E4F1: variants seen among roughly 807,000 people sequenced by gnomAD.
The protein encoded by E4F1 is E4F transcription factor 1.
Under a neutral mutation model 72.9 loss-of-function variants are expected in E4F1, and 30 were observed. That is an observed-to-expected ratio of 0.41 (90% confidence interval 0.31 to 0.56). The LOEUF (loss-of-function observed/expected upper bound fraction) is 0.56, where lower values mean the gene tolerates loss of function less well. Ranked by LOEUF, E4F1 falls within the 20% of genes least tolerant of loss-of-function variation. The probability of loss-of-function intolerance (pLI) is 0.25; values close to 1 mark genes in which losing one functional copy is unlikely to be tolerated. For synonymous variants in E4F1, 542 were observed against 478.2 expected (o/e 1.13, Z -1.74); for missense variants, 1,091 against 1,117.5 (o/e 0.98, Z 0.34).
At position 2,229,628 on chromosome 16, in the gene E4F1, A is replaced by G. The variant is rs200326283; in HGVS notation, c.368A>G (p.Glu123Gly). The G allele has an allele frequency of 1.3e-4, 207 of 1,612,944 alleles. 2 individuals carry two copies. In the South Asian group the frequency reaches 2.0e-3, roughly 16 times the overall value. The change falls in exon 3 of 14, where the codon GAG becomes GGG. Residue 123 changes from glutamate (E) to glycine (G), a missense_variant. Glu to Gly is a moderately conservative substitution (Grantham distance 98). Coordinates refer to ENST00000301727, the MANE Select transcript of E4F1 (RefSeq NM_004424.5). ...EPITVAHIVVEAASLAADISH... is the reference protein window; with the variant it reads ...EPITVAHIVVGAASLAADISH... ...ATCACTGTGGCCCACATCGTGGTGG[A>G]GGCGGCCTCTCTGGCAGCAGACATC... is the stretch of plus-strand genomic sequence containing the variant.
At chr16:2,224,544 C>A (rs946880412) in intron 1 of E4F1, among the ~76,000 whole-genome samples, 1 of 152,204 alleles carries the variant, frequency 6.6e-6, no homozygotes, top group African/African-American at 2.4e-5. Flanking sequence ...AATCCCAGCA[C>A]TTTGGGAGGT....
intron 1 of E4F1, 57 bp from the exon 2 acceptor site, chr16:2,228,315 G>T (rs774460791): frequency 2.5e-6 from 4 of 1,607,148 alleles, no homozygotes; most frequent in Middle Eastern, 1.7e-4. Flanking sequence ...GCCAGACGGA[G>T]CCCTGGCTGC....
chr16:2,232,419 C>T lies in E4F1; in HGVS notation c.610-37C>T, dbSNP rs1418086555. The T allele has an allele frequency of 2.5e-6, 4 of 1,604,868 alleles. No homozygotes were observed. The Admixed American group carries it at 6.8e-5, about 27-fold the overall frequency. On this transcript the variant is annotated intron_variant, in intron 4 of 13. Transcript: ENST00000301727. The stretch of plus-strand genomic sequence containing the variant: ...GGGTGGCAGGCCCCCTCCTGTTCCC[C>T]CAGGAGGGCCCTGAGCTGCCACGCC...
chr16:2,227,072 G>C (rs2093436621), intron 1 of E4F1, among the ~76,000 whole-genome samples: 2 of 152,184 alleles, frequency 1.3e-5, no homozygotes, highest in African/African-American at 4.8e-5. Flanking sequence ...GCAGGGTCTT[G>C]CCCTGTTGCC....
chr16:2,223,973 A>T, intron 1 of E4F1: 2 of 1,508,910 alleles, frequency 1.3e-6, no homozygotes, highest in Non-Finnish European at 1.8e-6. Flanking sequence ...GGCGCCTGTC[A>T]TCCCCCCTCT....
At chr16:2,233,238 C>G (rs1192419545) in intron 7 of E4F1, 55 bp downstream of exon 7, 1 of 1,544,756 alleles carries the variant, frequency 6.5e-7, no homozygotes, top group Non-Finnish European at 8.7e-7. Context: ...TGCTCGGTGC[C>G]AGTCTTTGTT....
At chr16:2,225,860 C>T (rs1404984327) in intron 1 of E4F1, among the ~76,000 whole-genome samples, 1 of 149,270 alleles carries the variant, frequency 6.7e-6, no homozygotes, top group African/African-American at 2.5e-5. Context: ...CTTTGGGAGG[C>T]TGAGACGGGC....
chr16:2,223,608 T>C lies in E4F1; in HGVS notation c.-6T>C. 2 of 1,585,878 alleles carry C rather than the reference T, an allele frequency of 1.3e-6. No homozygotes were observed. Among genetic ancestry groups the C allele is most frequent in the Non-Finnish European group, 1.7e-6 (2 of 1,172,164 alleles). On this transcript the variant is annotated 5_prime_UTR_variant, in exon 1 of 14. Transcript: ENST00000301727. ...AATCCGCCATCTTCCTGCGGCGCGT[T>C]GCGACATGGAGGGCGCGATGGCAGT...
chr16:2,232,890 A>G lies in E4F1; in HGVS notation c.865A>G (p.Lys289Glu), dbSNP rs746372944. 3.7e-6 allele frequency: 6 copies of G among 1,613,374 alleles called. No homozygotes were observed. Among genetic ancestry groups the G allele is most frequent in the East Asian group, 2.2e-5 (1 of 44,882 alleles). Residue 289 changes from lysine (K) to glutamate (E), a missense_variant, in exon 6 of 14, where the codon AAA becomes GAA. Transcript: ENST00000301727. ...TGTGAGCAAGGACGTGGTTGTCAGC[A>G]AAGAGGACGCACGTGCAGGTCAGCA... ...FSVSKDVVVS[K>E]EDARAGSGAG...
intron 3 of E4F1, chr16:2,231,530 A>G (rs2093467696): frequency 6.6e-6 from 1 of 152,412 alleles, no homozygotes; most frequent in Non-Finnish European, 1.5e-5. Context: ...TGTCATCTTT[A>G]TGAGCAGAAA....
At chr16:2,228,274 T>TG in intron 1 of E4F1, 98 bp from the exon 2 acceptor site, 12 of 1,515,380 alleles carry the variant, frequency 7.9e-6, no homozygotes, top group Non-Finnish European at 1.1e-5. Context: ...GATGGCCTCC[T>TG]GGGGGAATCT....
chr16:2,232,970 G>C (rs1230001707), intron 6 of E4F1, 41 bp from the exon 7 acceptor site: 6 of 1,610,332 alleles, frequency 3.7e-6, no homozygotes, highest in Non-Finnish European at 5.1e-6. Context: ...GCCGCCACTG[G>C]GGTGTGTGAG....
At chr16:2,228,640 G>A in intron 2 of E4F1, 117 bp downstream of exon 2, 1 of 1,326,058 alleles carries the variant, frequency 7.5e-7, no homozygotes, top group Admixed American at 2.2e-5. Context: ...GGCGGGCAGA[G>A]GGCAGGCACC....
intron 3 of E4F1, chr16:2,230,891 G>GC (rs2093463503): frequency 6.6e-6 from 1 of 152,288 alleles, no homozygotes; most frequent in Admixed American, 6.5e-5. Flanking sequence ...TTAGGTTCTG[G>GC]CGGGGTCTCT....
At position 2,235,737 on chromosome 16, in the gene E4F1, C is replaced by T; in HGVS notation, c.*165C>T. 2 of 644,568 alleles carry T rather than the reference C, an allele frequency of 3.1e-6. No individual in the cohort carries two copies. Among genetic ancestry groups the T allele is most frequent in the Non-Finnish European group, 5.1e-6 (2 of 391,904 alleles). The allele number at this position is 644,568 out of a possible 1,614,324, so 39.9% of individuals were successfully genotyped here. ...GTTGCTTTACAATAAAACATGAGAA[C>T]CTGCAGCTTGTGATGTTGTGGCAGT... On this transcript the variant is annotated 3_prime_UTR_variant, in exon 14 of 14. Transcript: ENST00000301727.
chr16:2,235,736 AC>A lies in E4F1; in HGVS notation c.*166del. 1 of 638,798 alleles carries A rather than the reference AC, an allele frequency of 1.6e-6. No individual in the cohort carries two copies. The highest frequency in any genetic ancestry group is 2.3e-5 in the South Asian group (1 of 43,666). 39.6% of individuals were successfully genotyped at this position (638,798 alleles called of 1,614,324 possible). On this transcript the variant is annotated 3_prime_UTR_variant, in exon 14 of 14. Coordinates refer to ENST00000301727, the MANE Select transcript of E4F1 (RefSeq NM_004424.5). The stretch of plus-strand genomic sequence containing the variant: ...TGTTGCTTTACAATAAAACATGAGA[AC>A]CTGCAGCTTGTGATGTTGTGGCAGT...
intron 1 of E4F1, among the ~76,000 whole-genome samples, chr16:2,225,988 G>C (rs1300326162): frequency 1.3e-5 from 2 of 152,012 alleles, no homozygotes; most frequent in Non-Finnish European, 2.9e-5. Flanking sequence ...AGCTTCTCAG[G>C]AGGCTGAGGC....
In E4F1 at chr16:2,235,039, G is replaced by C. The variant is rs1456569980; in HGVS notation, c.1935+38G>C. 3 of 1,611,900 alleles carry C rather than the reference G, an allele frequency of 1.9e-6. No individual in the cohort carries two copies. The African/African-American group carries it at 4.0e-5, about 22-fold the overall frequency. On this transcript the variant is annotated intron_variant, in intron 12 of 13. Coordinates refer to ENST00000301727, the MANE Select transcript of E4F1 (RefSeq NM_004424.5). Reference sequence around the variant, plus strand: ...CCCTGGGGCCGTGCTGGGACCCAGGGGCAGCCAAGGCTGACCTCTGTCCTT... The same window carrying C: ...CCCTGGGGCCGTGCTGGGACCCAGGCGCAGCCAAGGCTGACCTCTGTCCTT...
chr16:2,232,477 A>G lies in E4F1; in HGVS notation c.631A>G (p.Met211Val), dbSNP rs1160462505. ...FKTGSILKAH[M>V]VTHSSRKDHE... is the part of the protein sequence containing the mutation. ...ACAGGGCAGCATCCTCAAGGCCCAC[A>G]TGGTCACTCACAGCAGCCGCAAGGA... Residue 211 changes from methionine (M) to valine (V), a missense_variant, in exon 5 of 14, where the codon ATG becomes GTG. By Grantham distance (21) the Met-to-Val change is conservative. This residue lies in a region of E4F1 where 362 missense variants were observed against 358.6 expected (regional missense o/e 1.01). Transcript: ENST00000301727. The G allele has an allele frequency of 3.7e-6, 6 of 1,611,120 alleles. No homozygotes were observed. The highest frequency in any genetic ancestry group is 4.5e-5 in the East Asian group (2 of 44,796).
Sources: gnomAD v4.1 joint callset for allele counts (sites outside exome capture counted in the v4.1 genomes callset) on GRCh38, gnomAD v4.1.1 for gene constraint, gnomAD v4.1.1 regional missense constraint, MANE v1.5 for transcripts, NCBI Gene and HGNC (gene_info 2026-07-23, HGNC 2026-07-21) for gene names.